TNNI3K: variants seen among roughly 807,000 people sequenced by gnomAD.
TNNI3K encodes serine/threonine-protein kinase TNNI3K.
A neutral mutation model predicts 114.5 loss-of-function variants in TNNI3K; 140 were observed. The ratio of observed to expected loss-of-function variants is 1.22; its 90% CI spans 1.07 to 1.41. The LOEUF (loss-of-function observed/expected upper bound fraction) is 1.41. TNNI3K is among the 40% of genes most tolerant of loss of function. The probability of loss-of-function intolerance (pLI) is 0.00; values close to 1 mark genes in which losing one functional copy is unlikely to be tolerated. For missense variants in TNNI3K, 1,125 were observed against 1,007.6 expected (o/e 1.12, Z -1.58); for synonymous variants, 347 against 347.5 (o/e 1.00, Z 0.02).
intron 11 of TNNI3K, among the ~76,000 whole-genome samples, chr1:74,359,995 C>G (rs865870712): frequency 1.2e-4 from 18 of 152,036 alleles, no homozygotes; most frequent in South Asian, 4.2e-4. Context: ...TGCTTGATTA[C>G]TTTTTCCTCC....
intron 20 of TNNI3K, among the ~76,000 whole-genome samples, chr1:74,454,511 G>T (rs986375609): frequency 2.0e-5 from 3 of 151,982 alleles, no homozygotes; most frequent in African/African-American, 7.2e-5. Context: ...TCATATAATG[G>T]CTTCCAGTTC....
chr1:74,472,219 C>T, intron 21 of TNNI3K: 1 of 715,646 alleles, frequency 1.4e-6, no homozygotes, highest in Non-Finnish European at 2.6e-6. Context: ...ACAATAAATG[C>T]AAGAATTTAG....
chr1:74,267,391 A>G (rs1656064464), intron 4 of TNNI3K, among the ~76,000 whole-genome samples: 1 of 151,950 alleles, frequency 6.6e-6, no homozygotes, highest in African/African-American at 2.4e-5. Context: ...AGACTCGATC[A>G]GGAAAACCAC....
intron 4 of TNNI3K, among the ~76,000 whole-genome samples, chr1:74,258,219 C>T (rs1490552990): frequency 6.6e-6 from 1 of 152,152 alleles, no homozygotes; most frequent in Non-Finnish European, 1.5e-5. Flanking sequence ...GCTTGTGCAG[C>T]CCAGCTCAAC....
At chr1:74,486,449 A>G (rs1252071072) in intron 21 of TNNI3K, among the ~76,000 whole-genome samples, 1 of 151,842 alleles carries the variant, frequency 6.6e-6, no homozygotes, top group Admixed American at 6.6e-5. Context: ...TATAAGAGTA[A>G]AGTATGATAG....
intron 23 of TNNI3K, among the ~76,000 whole-genome samples, chr1:74,509,963 A>G (rs1670101569): frequency 6.6e-6 from 1 of 151,946 alleles, no homozygotes. Context: ...CAAGTCACCC[A>G]GGCTGGTCTT....
At chr1:74,310,922 C>A (rs567412858) in intron 5 of TNNI3K, among the ~76,000 whole-genome samples, 2 of 152,252 alleles carry the variant, frequency 1.3e-5, no homozygotes, top group South Asian at 4.1e-4. Flanking sequence ...CAGAGGATGG[C>A]CAAGTGCTAT....
chr1:74,314,704 A>G (rs1345855553), intron 5 of TNNI3K, among the ~76,000 whole-genome samples: 3 of 152,166 alleles, frequency 2.0e-5, no homozygotes, highest in Non-Finnish European at 2.9e-5. Context: ...AAGTGATCAA[A>G]GTCATAATAA....
chr1:74,329,004 G>T (rs1306300378), intron 5 of TNNI3K, among the ~76,000 whole-genome samples: 3 of 152,062 alleles, frequency 2.0e-5, no homozygotes, highest in African/African-American at 7.2e-5. Context: ...GTTATAAATG[G>T]CTTCAGCATT....
At chr1:74,422,341 A>T (rs1665440717) in intron 17 of TNNI3K, among the ~76,000 whole-genome samples, 1 of 152,040 alleles carries the variant, frequency 6.6e-6, no homozygotes, top group South Asian at 2.1e-4. Flanking sequence ...CATTTCCATT[A>T]TTTATTTCTT....
At chr1:74,314,595 A>T (rs1324142478) in intron 5 of TNNI3K, among the ~76,000 whole-genome samples, 1 of 152,172 alleles carries the variant, frequency 6.6e-6, no homozygotes, top group Non-Finnish European at 1.5e-5. Context: ...GTCATGCAGG[A>T]AGTCACCCTA....
intron 23 of TNNI3K, among the ~76,000 whole-genome samples, chr1:74,518,871 C>T (rs796439473): frequency 6.7e-3 from 83 of 12,404 alleles, no homozygotes; most frequent in East Asian, 0.031. Context: ...TATTTTTTTT[C>T]CCCTTTTTTT....
intron 17 of TNNI3K, among the ~76,000 whole-genome samples, chr1:74,414,332 T>C (rs1317343982): frequency 1.3e-5 from 2 of 152,196 alleles, no homozygotes; most frequent in African/African-American, 4.8e-5. Flanking sequence ...TGGAGTTTCA[T>C]ATGAAGAAAT....
chr1:74,306,535 CAT>C (rs929103471), intron 5 of TNNI3K, among the ~76,000 whole-genome samples: 2 of 152,268 alleles, frequency 1.3e-5, no homozygotes, highest in South Asian at 4.2e-4. Context: ...TCCATGCCAA[CAT>C]GTGTTAGTTT....
At chr1:74,490,050 TAAAAAAAAAAAAAAA>T (rs36063099) in intron 22 of TNNI3K, among the ~76,000 whole-genome samples, 1 of 42,892 alleles carries the variant, frequency 2.3e-5, no homozygotes, top group African/African-American at 7.1e-5. Context: ...TTTTTTTTTC[TAAAAAAAAAAAAAAA>T]AAAAAAAAAA....
At chr1:74,348,531 G>A (rs1360557040) in intron 9 of TNNI3K, among the ~76,000 whole-genome samples, 1 of 152,154 alleles carries the variant, frequency 6.6e-6, no homozygotes, top group African/African-American at 2.4e-5. Context: ...CCAATTCTGT[G>A]AAGAAAGTCA....
At chr1:74,508,901 G>A (rs1452904063) in intron 23 of TNNI3K, among the ~76,000 whole-genome samples, 1 of 152,144 alleles carries the variant, frequency 6.6e-6, no homozygotes, top group Middle Eastern at 3.2e-3. Context: ...TTTTTACAGG[G>A]TCTGCAGAAA....
chr1:74,370,478 T>G, intron 17 of TNNI3K, 86 bp downstream of exon 17: 5 of 1,212,784 alleles, frequency 4.1e-6, no homozygotes, highest in Non-Finnish European at 5.8e-6. Context: ...ATTTTAGACT[T>G]ATTGCAGATC....
intron 5 of TNNI3K, among the ~76,000 whole-genome samples, chr1:74,321,408 T>G (rs1659605253): frequency 6.6e-6 from 1 of 152,094 alleles, no homozygotes; most frequent in Non-Finnish European, 1.5e-5. Context: ...ACCATAAATA[T>G]CCTACAAATA....
Sources: allele counts gnomAD v4.1 joint callset (sites outside exome capture counted in the v4.1 genomes callset), GRCh38; gene constraint gnomAD v4.1.1; transcripts MANE v1.5; gene names NCBI Gene and HGNC (gene_info 2026-07-23, HGNC 2026-07-21).